The following BAZ1B variants were observed in gnomAD, a reference collection of about 807,000 sequenced individuals.
BAZ1B encodes the protein bromodomain adjacent to zinc finger domain 1B, also known as tyrosine-protein kinase BAZ1B.
Under a neutral mutation model 153.8 loss-of-function variants are expected in BAZ1B, and 22 were observed. The ratio of observed to expected loss-of-function variants is 0.14; its 90% confidence interval spans 0.10 to 0.20. The LOEUF is 0.20. Ranked by LOEUF, BAZ1B falls within the 10% of genes least tolerant of loss-of-function variation. The pLI is 1.00. For missense variants in BAZ1B, 1,325 were observed against 1,799.3 expected (o/e 0.74, Z 4.77); for synonymous variants, 676 against 633.4 (o/e 1.07, Z -1.01).
At chr7:73,479,316 C>A (rs192937660) in intron 6 of BAZ1B, among the ~76,000 whole-genome samples, 25 of 152,062 alleles carry the variant, frequency 1.6e-4, no homozygotes, top group South Asian at 4.2e-4. Context: ...GGAGACCAGC[C>A]TGGCCAACAT....
At chr7:73,494,453 A>G (rs1789793782) in intron 4 of BAZ1B, among the ~76,000 whole-genome samples, 1 of 152,174 alleles carries the variant, frequency 6.6e-6, no homozygotes, top group Non-Finnish European at 1.5e-5. Flanking sequence ...AATGCTAAAC[A>G]TCTGAATTAG....
intron 4 of BAZ1B, among the ~76,000 whole-genome samples, chr7:73,494,007 G>A (rs1206004629): frequency 6.6e-6 from 1 of 152,148 alleles, no homozygotes; most frequent in Non-Finnish European, 1.5e-5. Context: ...CATTTAAAGA[G>A]ATTAGAATTT....
At chr7:73,483,806 T>C (rs907377497) in intron 6 of BAZ1B, among the ~76,000 whole-genome samples, 2 of 152,102 alleles carry the variant, frequency 1.3e-5, no homozygotes, top group Non-Finnish European at 2.9e-5. Context: ...CACACCCAGT[T>C]AATTTTTTGT....
chr7:73,472,160 A>G (rs1212485493), intron 7 of BAZ1B, among the ~76,000 whole-genome samples: 1 of 152,244 alleles, frequency 6.6e-6, no homozygotes. Flanking sequence ...ACAGTGGAGC[A>G]GTCCAAAAAT....
chr7:73,518,622 CTT>C (rs1386508446), intron 1 of BAZ1B, among the ~76,000 whole-genome samples: 13 of 151,996 alleles, frequency 8.6e-5, no homozygotes, highest in Admixed American at 2.6e-4. Flanking sequence ...AGGAGGATCT[CTT>C]GAGTCCGGTT....
At chr7:73,487,025 G>A (rs1789438609) in intron 6 of BAZ1B, among the ~76,000 whole-genome samples, 1 of 152,178 alleles carries the variant, frequency 6.6e-6, no homozygotes, top group South Asian at 2.1e-4. Flanking sequence ...TAATAAACCT[G>A]AGTATATGCC....
chr7:73,482,888 C>A (rs143003798), intron 6 of BAZ1B, among the ~76,000 whole-genome samples: 1 of 152,172 alleles, frequency 6.6e-6, no homozygotes, highest in African/African-American at 2.4e-5. Context: ...CCTTCAGTAA[C>A]TGGATCATCT....
intron 16 of BAZ1B, among the ~76,000 whole-genome samples, chr7:73,446,102 G>C (rs571796450): frequency 2.6e-5 from 4 of 152,138 alleles, no homozygotes; most frequent in Non-Finnish European, 5.9e-5. Context: ...AGGAGAAGAC[G>C]GGCAAGCCCA....
intron 3 of BAZ1B, 149 bp downstream of exon 3, chr7:73,508,178 C>A: frequency 1.2e-6 from 1 of 849,942 alleles, no homozygotes; most frequent in Non-Finnish European, 1.6e-6. Flanking sequence ...CAAGAAAACA[C>A]ACAAGTATTA....
At chr7:73,467,133 A>G (rs1199176680) in intron 9 of BAZ1B, among the ~76,000 whole-genome samples, 4 of 152,010 alleles carry the variant, frequency 2.6e-5, no homozygotes, top group East Asian at 1.9e-4. Flanking sequence ...GGGTTTCACC[A>G]TGTTGGCCAG....
chr7:73,515,528 TTCC>T (rs1790762400), intron 1 of BAZ1B, among the ~76,000 whole-genome samples: 1 of 148,136 alleles, frequency 6.8e-6, no homozygotes, highest in Non-Finnish European at 1.5e-5. Flanking sequence ...TCCAGCCTTG[TTCC>T]TTTTTTTTTT....
At chr7:73,508,980 T>C (rs1563401572) in intron 2 of BAZ1B, among the ~76,000 whole-genome samples, 1 of 144,188 alleles carries the variant, frequency 6.9e-6, no homozygotes, top group South Asian at 2.2e-4. Flanking sequence ...ACCACTGCAC[T>C]CCAGCCTGGG....
At chr7:73,500,905 A>C (rs1790104188) in intron 3 of BAZ1B, among the ~76,000 whole-genome samples, 1 of 150,958 alleles carries the variant, frequency 6.6e-6, no homozygotes, top group Non-Finnish European at 1.5e-5. Context: ...AAAAAAAAAA[A>C]ACAGAGTTCA....
At chr7:73,513,459 A>C (rs1790667054) in intron 1 of BAZ1B, among the ~76,000 whole-genome samples, 1 of 152,320 alleles carries the variant, frequency 6.6e-6, no homozygotes, top group Non-Finnish European at 1.5e-5. Flanking sequence ...CTAAGTGATT[A>C]AACAAAATAT....
chr7:73,458,070 T>C (rs546731070), intron 13 of BAZ1B, among the ~76,000 whole-genome samples: 2 of 152,346 alleles, frequency 1.3e-5, no homozygotes, highest in African/African-American at 4.8e-5. Context: ...GAGAGGGTCA[T>C]GAGAATCCTC....
intron 3 of BAZ1B, among the ~76,000 whole-genome samples, chr7:73,499,248 A>C (rs928188116): frequency 6.6e-6 from 1 of 152,102 alleles, no homozygotes. Flanking sequence ...GGCTGATCTC[A>C]AACTCCTGAC....
chr7:73,463,103 G>T lies in BAZ1B; in HGVS notation c.3072-4C>A. On this transcript the variant is annotated splice_polypyrimidine_tract_variant and splice_region_variant and intron_variant, in intron 11 of 19. Coordinates refer to ENST00000339594, the MANE Select transcript of BAZ1B (RefSeq NM_032408.4). ...AGAGTGAATAATGTCCTGGTACCTA[G>T]AAGATTTGGGACAAGAGAATGGGGA... 1 of 1,599,362 alleles carries T rather than the reference G, an allele frequency of 6.3e-7. No individual in the cohort carries two copies. Among genetic ancestry groups the T allele is most frequent in the East Asian group, 2.2e-5 (1 of 44,636 alleles).
intron 6 of BAZ1B, among the ~76,000 whole-genome samples, chr7:73,478,852 A>G (rs1554573305): frequency 2.0e-5 from 3 of 152,208 alleles, no homozygotes; most frequent in Non-Finnish European, 4.4e-5. Context: ...TATTTAAACA[A>G]AATCTGTGAA....
chr7:73,476,913 T>G lies in BAZ1B; in HGVS notation c.2548A>C (p.Ile850Leu). 1.2e-6 allele frequency: 2 copies of G among 1,608,422 alleles called. No individual in the cohort carries two copies. Among genetic ancestry groups the G allele is most frequent in the Non-Finnish European group, 1.7e-6 (2 of 1,178,454 alleles). ...ATTTCCCGTTCCTTCTTAGCTTGAA[T>G]GGCAAGCAACCTTCTGCTCTTCACA... ...SAVKSRRLLA[I>L]QAKKEREIQE... The change falls in exon 7 of 20, where the codon ATT becomes CTT. Residue 850 changes from isoleucine to leucine, a missense_variant. Physicochemically the swap from Ile to Leu is conservative, Grantham distance 5 (BLOSUM62 2). Coordinates refer to ENST00000339594, the MANE Select transcript of BAZ1B (RefSeq NM_032408.4).
Sources: gnomAD v4.1 joint callset for allele counts (sites outside exome capture counted in the v4.1 genomes callset) on GRCh38, gnomAD v4.1.1 for gene constraint, MANE v1.5 for transcripts, NCBI Gene and HGNC (gene_info 2026-07-23, HGNC 2026-07-21) for gene names.